Variants in ICE1 observed in about 807,000 individuals in gnomAD.
ICE1 encodes the protein little elongation complex subunit 1.
A neutral mutation model predicts 192.7 loss-of-function variants in ICE1; 64 were observed. The observed-to-expected ratio is 0.33, with a 90% CI of 0.27 to 0.41. ICE1 has a LOEUF of 0.41. Among genes scored for constraint, ICE1 ranks in the 10% least tolerant of loss-of-function variants. ICE1 has a pLI of 1.00. For missense variants in ICE1, 2,708 were observed against 2,696.0 expected (o/e 1.00, Z -0.10); for synonymous variants, 1,010 against 984.5 (o/e 1.03, Z -0.49).
At chr5:5,483,134 G>A (rs1357735233) in intron 17 of ICE1, among the ~76,000 whole-genome samples, 1 of 152,032 alleles carries the variant, frequency 6.6e-6, no homozygotes, top group African/African-American at 2.4e-5. Context: ...GGGATTACAG[G>A]CATGCGCCAC....
chr5:5,433,122 A>T (rs1737770736), intron 1 of ICE1, among the ~76,000 whole-genome samples: 1 of 152,190 alleles, frequency 6.6e-6, no homozygotes, highest in Non-Finnish European at 1.5e-5. Flanking sequence ...CCTAATGAAG[A>T]GAGACAGGCA....
intron 4 of ICE1, among the ~76,000 whole-genome samples, chr5:5,440,189 T>TA (rs1737997758): frequency 1.3e-5 from 2 of 152,254 alleles, no homozygotes; most frequent in Non-Finnish European, 1.5e-5. Flanking sequence ...GAAGTGAAGC[T>TA]TATTGTTGTC....
intron 17 of ICE1, among the ~76,000 whole-genome samples, chr5:5,476,976 A>G (rs141122261): frequency 1.5e-4 from 23 of 152,208 alleles, no homozygotes; most frequent in African/African-American, 5.5e-4. Context: ...GAGGACCTCA[A>G]TGGCCATTTG....
chr5:5,441,056 A>G (rs1738034653), intron 4 of ICE1, 56 bp from the exon 5 acceptor site: 2 of 1,102,820 alleles, frequency 1.8e-6, no homozygotes, highest in Admixed American at 2.4e-5. Flanking sequence ...AAGCACATAT[A>G]TTTAATACTT....
At chr5:5,446,943 G>A (rs539063115) in intron 7 of ICE1, among the ~76,000 whole-genome samples, 5 of 152,106 alleles carry the variant, frequency 3.3e-5, no homozygotes, top group Non-Finnish European at 5.9e-5. Flanking sequence ...TCTAATAAAG[G>A]TCCTAGGGAT....
In ICE1 at chr5:5,476,141, G is replaced by A. The variant is rs1739299189; in HGVS notation, c.6520+62G>A. On this transcript the variant is annotated intron_variant, in intron 17 of 18. Coordinates refer to ENST00000296564, the MANE Select transcript of ICE1 (RefSeq NM_015325.3). The stretch of plus-strand genomic sequence containing the variant: ...ATTGATATCTTGGTGGAAGGCTGGG[G>A]GGTTAACTGTATAATAAAATATGCT... The A allele has an allele frequency of 1.2e-5, 11 of 905,700 alleles. No homozygotes were observed. In the Admixed American group the frequency reaches 1.9e-4, roughly 16 times the overall value. 56.1% of individuals were successfully genotyped at this position (905,700 alleles called of 1,614,324 possible).
intron 14 of ICE1, among the ~76,000 whole-genome samples, chr5:5,467,921 A>G (rs1438840236): frequency 6.6e-6 from 1 of 152,236 alleles, no homozygotes; most frequent in Admixed American, 6.5e-5. Context: ...CTTACGCAGC[A>G]GAAACACAGA....
At position 5,463,530 on chromosome 5, in the gene ICE1, C is replaced by T. The variant is rs749933736; in HGVS notation, c.4196C>T (p.Ala1399Val). The T allele has an allele frequency of 6.2e-7, 1 of 1,613,686 alleles. No homozygotes were observed. The highest frequency in any genetic ancestry group is 1.1e-5 in the South Asian group (1 of 91,024). Reference sequence around the variant, plus strand: ...GAAACAACATTTCAGTGTCAGATAGCAACAGTGACCTCAGAAGTTATAAAC... The same window carrying T: ...GAAACAACATTTCAGTGTCAGATAGTAACAGTGACCTCAGAAGTTATAAAC... The part of the protein sequence containing the change: ...EAETTFQCQI[A>V]TVTSEVINVL... Residue 1399 changes from alanine (A) to valine (V), a missense_variant, in exon 13 of 19, where the codon GCA becomes GTA. By Grantham distance (64) the Ala-to-Val change is moderately conservative. This residue lies in a region of ICE1 where 2,366 missense variants were observed against 2,276.6 expected (regional missense o/e 1.04). Coordinates refer to ENST00000296564, the MANE Select transcript of ICE1 (RefSeq NM_015325.3).
chr5:5,462,040 A>G lies in ICE1; in HGVS notation c.2706A>G (p.Ala902=). The G allele has an allele frequency of 6.2e-7, 1 of 1,613,960 alleles. No individual in the cohort carries two copies. The highest frequency in any genetic ancestry group is 8.5e-7 in the Non-Finnish European group (1 of 1,179,860). The change falls in exon 13 of 19, where the codon GCA becomes GCG. Residue 902 remains alanine, a synonymous_variant. Coordinates refer to ENST00000296564, the MANE Select transcript of ICE1 (RefSeq NM_015325.3). ...ACAAAACCGGTATGTCAACTGTAGC[A>G]AAATGTGATGGGGAAAGAGATGATA... ...SGNKTGMSTV[A]KCDGERDDTT...
intron 17 of ICE1, among the ~76,000 whole-genome samples, chr5:5,482,117 A>G: frequency 6.6e-6 from 1 of 152,358 alleles, no homozygotes; most frequent in Middle Eastern, 3.4e-3. Context: ...GAATATGTTA[A>G]TAGTTTATTT....
intron 11 of ICE1, among the ~76,000 whole-genome samples, chr5:5,456,559 G>A (rs983622269): frequency 7.2e-5 from 11 of 151,920 alleles, no homozygotes; most frequent in African/African-American, 2.4e-4. Context: ...GTTCAGATTG[G>A]CTCTGGGTCC....
intron 8 of ICE1, 79 bp downstream of exon 8, chr5:5,447,588 C>G: frequency 7.3e-7 from 1 of 1,361,206 alleles, no homozygotes; most frequent in Non-Finnish European, 1.0e-6. Flanking sequence ...TTGTAACTCA[C>G]GTAGGAGTCA....
In ICE1 at chr5:5,462,926, A is replaced by G. The variant is rs779168298; in HGVS notation, c.3592A>G (p.Ser1198Gly). The G allele has an allele frequency of 1.9e-6, 3 of 1,610,052 alleles. No homozygotes were observed. The highest frequency in any genetic ancestry group is 2.2e-5 in the East Asian group (1 of 44,836). The change falls in exon 13 of 19, where the codon AGT becomes GGT. Residue 1198 changes from serine to glycine, a missense_variant. By Grantham distance (56) the Ser-to-Gly change is moderately conservative (BLOSUM62 0). Transcript: ENST00000296564. ...SSGDSVSECS[S>G]KGTLSKEMNK... Reference sequence around the variant, plus strand: ...AGGGGACTCTGTTTCTGAATGTTCTAGTAAAGGAACCCTAAGTAAAGAAAT... The same window carrying G: ...AGGGGACTCTGTTTCTGAATGTTCTGGTAAAGGAACCCTAAGTAAAGAAAT...
intron 17 of ICE1, 44 bp from the exon 18 acceptor site, chr5:5,486,677 C>G: frequency 7.7e-7 from 1 of 1,300,800 alleles, no homozygotes; most frequent in Non-Finnish European, 1.1e-6. Context: ...AAAAGTTAAT[C>G]AACATTTAAC....
intron 3 of ICE1, chr5:5,437,873 C>T (rs2111343156): frequency 6.6e-6 from 1 of 152,338 alleles, no homozygotes; most frequent in East Asian, 1.9e-4. Context: ...TGTTCGATGT[C>T]AGGACAGATT....
chr5:5,451,265 A>G (rs931256949), intron 10 of ICE1, among the ~76,000 whole-genome samples: 7 of 152,224 alleles, frequency 4.6e-5, no homozygotes, highest in African/African-American at 1.7e-4. Context: ...AGATATAGCC[A>G]ATTCCTTCAC....
At position 5,465,172 on chromosome 5, in the gene ICE1, C is replaced by A. The variant is rs201946992; in HGVS notation, c.5838C>A (p.Pro1946=). The change falls in exon 13 of 19, where the codon CCC becomes CCA. Residue 1946 remains proline, a synonymous_variant. Transcript: ENST00000296564. Reference sequence around the variant, plus strand: ...ATGTGGGAAATATCTCCAAAAAGCCCGTAATGAGAGATCAAGAGAAGGAAG... The same window carrying A: ...ATGTGGGAAATATCTCCAAAAAGCCAGTAATGAGAGATCAAGAGAAGGAAG... ...HVYVGNISKK[P]VMRDQEKEVV... is the part of the protein sequence containing the mutation. The A allele has an allele frequency of 6.2e-6, 10 of 1,603,642 alleles. No homozygotes were observed. The African/African-American group carries it at 1.3e-4, about 21-fold the overall frequency.
chr5:5,458,772 A>G (rs1456162706), intron 12 of ICE1, among the ~76,000 whole-genome samples: 2 of 152,198 alleles, frequency 1.3e-5, no homozygotes, highest in African/African-American at 4.8e-5. Context: ...TTTTTATTTG[A>G]AAGTTTCATT....
chr5:5,464,082 T>C lies in ICE1; in HGVS notation c.4748T>C (p.Val1583Ala), dbSNP rs375497983. The C allele has an allele frequency of 6.2e-7, 1 of 1,613,548 alleles. No individual in the cohort carries two copies. The highest frequency in any genetic ancestry group is 2.2e-5 in the East Asian group (1 of 44,866). ...SSRVETHQSE[V>A]AQSFSGEKAN... ...AGAGTTGAAACTCATCAGAGTGAAG[T>C]TGCTCAGTCATTTTCAGGGGAAAAA... The change falls in exon 13 of 19, where the codon GTT becomes GCT. Residue 1583 changes from valine (V) to alanine (A), a missense_variant. Physicochemically the swap from Val to Ala is moderately conservative, Grantham distance 64. This residue lies in a region of ICE1 where 2,366 missense variants were observed against 2,276.6 expected (regional missense o/e 1.04). Transcript: ENST00000296564. This position sits in a 1 kb window ranked among gnomAD's most constrained non-coding sequence, Gnocchi z 4.0.
Sources: gnomAD v4.1 joint callset for allele counts (sites outside exome capture counted in the v4.1 genomes callset) on GRCh38, gnomAD v4.1.1 for gene constraint, gnomAD v4.1.1 regional missense constraint, Gnocchi (gnomAD v3.1) non-coding constraint, MANE v1.5 for transcripts, NCBI Gene and HGNC (gene_info 2026-07-23, HGNC 2026-07-21) for gene names.